Variants in RGPD1 observed in about 807,000 individuals in gnomAD.
RGPD1 encodes the protein RANBP2 like and GRIP domain containing 1, also known as RANBP2-like and GRIP domain-containing protein 1.
A neutral mutation model predicts 40.6 loss-of-function variants in RGPD1; 7 were observed. The observed-to-expected ratio is 0.17, with a 90% CI of 0.10 to 0.32. The LOEUF (loss-of-function observed/expected upper bound fraction) is 0.32. Ranked by LOEUF, RGPD1 falls within the 10% of genes least tolerant of loss-of-function variation. The pLI is 1.00. For synonymous variants in RGPD1, 24 were observed against 167.0 expected, an observed-to-expected ratio of 0.14 and a Z score of 6.60; for missense variants, 50 against 472.5, an observed-to-expected ratio of 0.11 and a Z score of 8.29.
intron 1 of RGPD1, among the ~76,000 whole-genome samples, chr2:86,926,762 C>T (rs1010968843): frequency 3.3e-5 from 5 of 152,294 alleles, no homozygotes; most frequent in East Asian, 1.9e-4. Context: ...GGTAGTATTA[C>T]AAGGTTCAGT....
intron 1 of RGPD1, among the ~76,000 whole-genome samples, chr2:86,943,050 C>T (rs570295356): frequency 0.18 from 26,536 of 149,002 alleles, 3,363 homozygotes; most frequent in African/African-American, 0.43. Context: ...TTATATGCTG[C>T]GGCGGAGGTC....
At chr2:86,978,104 C>T (rs1373841748) in intron 17 of RGPD1, among the ~76,000 whole-genome samples, 173 bp downstream of exon 17, 1 of 122,740 alleles carries the variant, frequency 8.1e-6, no homozygotes, top group Non-Finnish European at 1.7e-5. Context: ...TCTTGTTGTG[C>T]AGGCTGCAGT....
At chr2:86,944,124 C>T (rs1210124292) in intron 1 of RGPD1, among the ~76,000 whole-genome samples, 1 of 152,116 alleles carries the variant, frequency 6.6e-6, no homozygotes, top group Admixed American at 6.5e-5. Context: ...TTTTGCGCTT[C>T]CAGCAACCCT....
intron 1 of RGPD1, among the ~76,000 whole-genome samples, chr2:86,943,985 G>A (rs1443408429): frequency 1.3e-5 from 2 of 151,820 alleles, no homozygotes; most frequent in Non-Finnish European, 1.5e-5. Context: ...CTGCACTCCA[G>A]CCTGGGCGAC....
At chr2:86,942,658 G>A (rs1469199849) in intron 1 of RGPD1, among the ~76,000 whole-genome samples, 1 of 133,694 alleles carries the variant, frequency 7.5e-6, no homozygotes, top group Admixed American at 7.8e-5. Context: ...GACCTGGCCG[G>A]GCGGCGGCGG....
chr2:86,943,113 G>C (rs1253666928), intron 1 of RGPD1, among the ~76,000 whole-genome samples: 1 of 151,490 alleles, frequency 6.6e-6, no homozygotes, highest in East Asian at 1.9e-4. Context: ...CTCCGGGTGA[G>C]CTTTGGCGGC....
chr2:86,933,379 ATTT>A (rs1227036209), intron 1 of RGPD1, among the ~76,000 whole-genome samples: 3 of 150,710 alleles, frequency 2.0e-5, no homozygotes, highest in Non-Finnish European at 4.5e-5. Context: ...TTTAGAAATG[ATTT>A]TGTTTAGTAT....
rs1294300872 is a variant in RGPD1, at chr2:86,960,602, T to A, written c.779+2175T>A. Among the ~76,000 whole-genome samples, 16 of 132,466 alleles carry A rather than the reference T, an allele frequency of 1.2e-4. 3 individuals carry two copies. Among genetic ancestry groups the A allele is most frequent in the Admixed American group, 1.4e-4 (2 of 14,158 alleles). 86.9% of individuals were successfully genotyped at this position (132,466 alleles called of 152,430 possible). A position where few individuals can be genotyped will look rare whatever the true frequency, so the allele number is the denominator to read the frequency against. On this transcript the variant is annotated intron_variant, in intron 6 of 22. Coordinates refer to ENST00000641458, the MANE Select transcript of RGPD1 (RefSeq NM_001382344.1). Reference sequence around the variant, plus strand: ...GCCAGGATGGTCTCGATCTTTTTTTTTTTTTGAGACGGAGTCTCGCTCTGT... The same window carrying A: ...GCCAGGATGGTCTCGATCTTTTTTTATTTTTGAGACGGAGTCTCGCTCTGT...
chr2:86,930,761 A>C (rs1231483061), intron 1 of RGPD1: 5 of 1,371,204 alleles, frequency 3.6e-6, no homozygotes, highest in Non-Finnish European at 3.9e-6. Flanking sequence ...CCATACCTCC[A>C]CCTACAGCCC....
intron 1 of RGPD1, among the ~76,000 whole-genome samples, chr2:86,942,544 G>GCGGCGGCGGCCTCGACGTGGCC (rs1161192535): frequency 7.6e-6 from 1 of 132,032 alleles, no homozygotes; most frequent in African/African-American, 2.8e-5. Context: ...TGGCCGGGCG[G>GCGGCGGCGGCCTCGACGTGGCC]CGGCGGCGGC....
chr2:87,010,861 G>A (rs1353830395), intron 22 of RGPD1, among the ~76,000 whole-genome samples: 2 of 76,274 alleles, frequency 2.6e-5, no homozygotes, highest in African/African-American at 8.1e-5. Context: ...AGCTGAGATC[G>A]CACCATTGCA....
intron 1 of RGPD1, among the ~76,000 whole-genome samples, chr2:86,943,319 T>TAA (rs531699281): frequency 8.1e-6 from 1 of 123,332 alleles, no homozygotes; most frequent in Non-Finnish European, 1.7e-5. Context: ...TGCCTTTGCT[T>TAA]AAAAAAAAAA....
At chr2:86,933,447 A>G (rs1404014958) in intron 1 of RGPD1, among the ~76,000 whole-genome samples, 2 of 149,470 alleles carry the variant, frequency 1.3e-5, no homozygotes, top group Non-Finnish European at 3.0e-5. Flanking sequence ...TAAAATTTCT[A>G]TTCTGCTTTG....
chr2:86,997,056 A>G (rs1681806209), intron 21 of RGPD1, among the ~76,000 whole-genome samples: 1 of 147,358 alleles, frequency 6.8e-6, no homozygotes. Context: ...TGAGACAAGA[A>G]CTCCAGTATT....
intron 1 of RGPD1, among the ~76,000 whole-genome samples, 158 bp downstream of exon 1, chr2:86,942,466 C>CCGGCCTCGACCTGGCCGGGCGGGGGCGG: frequency 1.9e-5 from 1 of 53,646 alleles, no homozygotes; most frequent in African/African-American, 5.2e-5. Flanking sequence ...TGTTGAGGCG[C>CCGGCCTCGACCTGGCCGGGCGGGGGCGG]CGGCCTCGAC....
chr2:86,924,508 T>G (rs949226985), intron 1 of RGPD1, among the ~76,000 whole-genome samples: 3 of 150,788 alleles, frequency 2.0e-5, no homozygotes, highest in African/African-American at 7.3e-5. Flanking sequence ...ACTTTTTGCC[T>G]ACGCCGGACT....
chr2:86,913,952 C>G (rs777396111), intron 1 of RGPD1: 1 of 1,302,422 alleles, frequency 7.7e-7, no homozygotes, highest in Non-Finnish European at 1.0e-6. Context: ...CCGACGGCCT[C>G]GACCTGGCGG....
intron 6 of RGPD1, among the ~76,000 whole-genome samples, chr2:86,960,915 T>C (rs1335745076): frequency 1.7e-4 from 4 of 23,122 alleles, no homozygotes; most frequent in Admixed American, 1.1e-3. Flanking sequence ...CCTCTTGATC[T>C]GTCTACCTTG....
At chr2:86,924,556 C>G (rs1372745038) in intron 1 of RGPD1, among the ~76,000 whole-genome samples, 2 of 150,610 alleles carry the variant, frequency 1.3e-5, no homozygotes, top group East Asian at 3.9e-4. Flanking sequence ...ATCTCGAACT[C>G]ATAGGCTCAA....
Sources: allele counts gnomAD v4.1 joint callset (sites outside exome capture counted in the v4.1 genomes callset), GRCh38; gene constraint gnomAD v4.1.1; transcripts MANE v1.5; gene names NCBI Gene and HGNC (gene_info 2026-07-23, HGNC 2026-07-21).